Variants in NAV2 observed in about 807,000 individuals in gnomAD.
NAV2 encodes helicase, APC down-regulated 1.
A neutral mutation model predicts 223.2 loss-of-function variants in NAV2; 54 were observed. The observed-to-expected ratio is 0.24, with a 90% CI of 0.19 to 0.30. The LOEUF is 0.30. NAV2 is among the 10% of genes least tolerant of loss of function. The pLI is 1.00. For synonymous variants in NAV2, 1,279 were observed against 1,239.3 expected, an observed-to-expected ratio of 1.03 and a Z score of -0.67; for missense variants, 2,806 against 3,147.5, an observed-to-expected ratio of 0.89 and a Z score of 2.60.
chr11:20,051,366 C>T, intron 17 of NAV2, 33 bp downstream of exon 17: 1 of 1,606,828 alleles, frequency 6.2e-7, no homozygotes, highest in African/African-American at 1.3e-5. Flanking sequence ...TCTGTGCCAT[C>T]TGTTGTGGCT....
intron 22 of NAV2, among the ~76,000 whole-genome samples, chr11:20,072,318 C>T (rs1687156484): frequency 6.6e-6 from 1 of 152,136 alleles, no homozygotes; most frequent in African/African-American, 2.4e-5. Flanking sequence ...GGTACCAGTA[C>T]CATGCTGTTT....
chr11:19,737,407 T>C (rs1423831386), intron 1 of NAV2, among the ~76,000 whole-genome samples: 1 of 152,106 alleles, frequency 6.6e-6, no homozygotes, highest in African/African-American at 2.4e-5. Flanking sequence ...TACAGCCTGG[T>C]TGGGAGAATA....
At position 19,367,032 on chromosome 11, in the gene NAV2, T is replaced by C. The variant is rs558783382; in HGVS notation, c.75+16005T>C. 1.9e-3 allele frequency among the ~76,000 whole-genome samples: 285 copies of C among 152,352 alleles called. 1 individual carries two copies. The highest frequency in any genetic ancestry group is 6.5e-3 in the African/African-American group (271 of 41,586). On this transcript the variant is annotated intron_variant, in intron 1 of 37. Coordinates refer to the NAV2 transcript ENST00000360655. ...GGTCATTAATCCAGAGTCATCATTA[T>C]GCAGACAAGTACACTGAGGCCCAGA...
chr11:19,776,577 G>GGTGTGTGTGTGTGTGTGTGTGTGTGTGT (rs71050684), intron 1 of NAV2, among the ~76,000 whole-genome samples: 2 of 116,180 alleles, frequency 1.7e-5, no homozygotes, highest in African/African-American at 7.7e-5. Flanking sequence ...CTGGGGCAGG[G>GGTGTGTGTGTGTGTGTGTGTGTGTGTGT]GTGTGTGTGT....
chr11:19,946,398 T>TC lies in NAV2; in HGVS notation c.2147-3_2147-2insC, dbSNP rs1269325839. 6.2e-7 allele frequency: 1 copy of TC among 1,611,332 alleles called. No individual in the cohort carries two copies. On this transcript the variant is annotated splice_polypyrimidine_tract_variant and splice_region_variant and intron_variant, in intron 8 of 37. Coordinates refer to ENST00000349880, the MANE Select transcript of NAV2 (RefSeq NM_145117.5). ...AAACTAGTCTTAACCCTCATCTTTC[T>TC]AGGGGAAGATCCTGAGGCTCGGCGG...
rs2052197702 is a variant in NAV2 at position 19,998,636 on chromosome 11, T to C, written c.2768+14389T>C. On this transcript the variant is annotated intron_variant, in intron 11 of 37. Transcript: ENST00000349880. The surrounding 1 kb of genome is among the most constrained non-coding windows in gnomAD (Gnocchi z 5.0). ...TGACTCCTGCCTTCATCCATTCCCC[T>C]GGACGTGCCGGATCTTCTCTTTCGT... 6.6e-6 allele frequency among the ~76,000 whole-genome samples: 1 copy of C among 152,120 alleles called. No homozygotes were observed. The highest frequency in any genetic ancestry group is 1.5e-5 in the Non-Finnish European group (1 of 68,028).
chr11:19,680,774 G>A (rs76094654), intron 1 of NAV2, among the ~76,000 whole-genome samples: 8,091 of 152,282 alleles, frequency 0.053, 670 homozygotes, highest in African/African-American at 0.17. Context: ...CATTCCAGAA[G>A]TGGTAATTAT....
At chr11:19,602,590 G>T (rs1215254703) in intron 1 of NAV2, among the ~76,000 whole-genome samples, 1 of 152,168 alleles carries the variant, frequency 6.6e-6, no homozygotes, top group Non-Finnish European at 1.5e-5. Flanking sequence ...CAGTTCTGGA[G>T]GTCAGAAATA....
chr11:20,006,297 C>T (rs1300720101), intron 11 of NAV2, among the ~76,000 whole-genome samples: 2 of 152,142 alleles, frequency 1.3e-5, no homozygotes, highest in Non-Finnish European at 2.9e-5. Flanking sequence ...CAGGTTCCCA[C>T]AGGTCATGCC....
intron 1 of NAV2, among the ~76,000 whole-genome samples, chr11:19,561,086 A>T (rs937319319): frequency 6.6e-6 from 1 of 152,234 alleles, no homozygotes; most frequent in African/African-American, 2.4e-5. Flanking sequence ...CAAATTCTGG[A>T]TGGATGACCT....
At chr11:19,946,903 TTG>T (rs1329253643) in intron 9 of NAV2, among the ~76,000 whole-genome samples, 1 of 152,220 alleles carries the variant, frequency 6.6e-6, no homozygotes, top group African/African-American at 2.4e-5. Flanking sequence ...CTCTGTAATA[TTG>T]TTAGTCATGC....
At chr11:19,997,030 G>A (rs1030892789) in intron 11 of NAV2, among the ~76,000 whole-genome samples, 2 of 152,118 alleles carry the variant, frequency 1.3e-5, no homozygotes, top group African/African-American at 4.8e-5. Flanking sequence ...TTCTGTACTG[G>A]CAAAATAAGG....
intron 11 of NAV2, among the ~76,000 whole-genome samples, chr11:20,034,781 G>A (rs1256665901): frequency 6.6e-6 from 1 of 152,148 alleles, no homozygotes; most frequent in Non-Finnish European, 1.5e-5. Context: ...AGTGTGACAG[G>A]CTTGATGGCT....
chr11:19,773,496 C>G (rs564648513), intron 1 of NAV2, among the ~76,000 whole-genome samples: 2 of 152,312 alleles, frequency 1.3e-5, no homozygotes, highest in African/African-American at 4.8e-5. Flanking sequence ...AAGAGGACAA[C>G]AGCTGGAAGG....
chr11:19,499,773 T>C (rs1265124835), intron 1 of NAV2, among the ~76,000 whole-genome samples: 1 of 152,222 alleles, frequency 6.6e-6, no homozygotes, highest in Admixed American at 6.5e-5. Context: ...GCACATCAAA[T>C]GTTGTTCTTT....
upstream of NAV2, among the ~76,000 whole-genome samples, chr11:19,346,885 C>T (rs1590023468): frequency 6.6e-6 from 1 of 152,296 alleles, no homozygotes; most frequent in East Asian, 1.9e-4. Context: ...TCTTCTGTTT[C>T]CCCTATTGAC....
At chr11:19,983,338 T>A (rs2050463578) in intron 10 of NAV2, among the ~76,000 whole-genome samples, 1 of 152,150 alleles carries the variant, frequency 6.6e-6, no homozygotes, top group South Asian at 2.1e-4. Flanking sequence ...CAGCACTGAT[T>A]TCATCAGAAG....
At chr11:19,527,567 C>G (rs530128827) in intron 1 of NAV2, among the ~76,000 whole-genome samples, 3 of 152,104 alleles carry the variant, frequency 2.0e-5, no homozygotes, top group Admixed American at 2.0e-4. Flanking sequence ...TCAGGCTCTC[C>G]AGCCCATTGA....
intron 1 of NAV2, among the ~76,000 whole-genome samples, chr11:19,745,450 C>T (rs934928107): frequency 3.3e-5 from 5 of 152,138 alleles, no homozygotes; most frequent in Non-Finnish European, 7.3e-5. Context: ...AGTTGGCCCT[C>T]GATTTTGTCC....
Sources: allele counts gnomAD v4.1 joint callset (sites outside exome capture counted in the v4.1 genomes callset), GRCh38; gene constraint gnomAD v4.1.1; non-coding constraint Gnocchi (gnomAD v3.1); transcripts MANE v1.5; gene names NCBI Gene and HGNC (gene_info 2026-07-23, HGNC 2026-07-21).